Variants in HECW2 observed in about 807,000 individuals in gnomAD.
The protein encoded by HECW2 is E3 ubiquitin-protein ligase HECW2.
Under a neutral mutation model 175.2 loss-of-function variants are expected in HECW2, and 61 were observed. The ratio of observed to expected loss-of-function variants is 0.35; its 90% CI spans 0.28 to 0.43. The LOEUF (loss-of-function observed/expected upper bound fraction) is 0.43. Ranked by LOEUF, HECW2 falls within the 20% of genes least tolerant of loss-of-function variation. The pLI is 1.00. For missense variants in HECW2, 1,524 were observed against 2,000.5 expected (o/e 0.76, Z 4.54); for synonymous variants, 671 against 731.0 (o/e 0.92, Z 1.32).
chr2:196,442,834 A>T lies in HECW2; in HGVS notation c.-35-9376T>A, dbSNP rs56923617. Among the ~76,000 whole-genome samples the T allele has an allele frequency of 4.0e-3, 604 of 152,276 alleles. 6 individuals are homozygous for T. The highest frequency in any genetic ancestry group is 0.014 in the African/African-American group (567 of 41,552). On this transcript the variant is annotated intron_variant, in intron 1 of 28. Coordinates refer to ENST00000644978, the MANE Select transcript of HECW2 (RefSeq NM_001348768.2). ...TTTTCTACAAATAAGATATATAATA[A>T]TGTTATTTAAAATAGACCTCTGATA...
chr2:196,564,033 T>C (rs566906288), intron 1 of HECW2, among the ~76,000 whole-genome samples: 3 of 152,294 alleles, frequency 2.0e-5, no homozygotes, highest in South Asian at 4.1e-4. Context: ...AAAGCTACAG[T>C]AGTTAACACT....
chr2:196,553,706 G>A (rs1041367601), intron 1 of HECW2, among the ~76,000 whole-genome samples: 1 of 152,204 alleles, frequency 6.6e-6, no homozygotes, highest in Non-Finnish European at 1.5e-5. Context: ...GTCTGTAGAA[G>A]TCTTCAGGCC....
intron 1 of HECW2, among the ~76,000 whole-genome samples, chr2:196,499,725 C>A (rs1393442927): frequency 6.6e-6 from 1 of 152,100 alleles, no homozygotes; most frequent in Non-Finnish European, 1.5e-5. Flanking sequence ...AAAACGCATG[C>A]ATTTTTTAAA....
chr2:196,285,028 G>A (rs922606392), intron 14 of HECW2, among the ~76,000 whole-genome samples: 1 of 152,124 alleles, frequency 6.6e-6, no homozygotes, highest in African/African-American at 2.4e-5. Flanking sequence ...ACACAAACTC[G>A]AATCTCATTT....
intron 1 of HECW2, among the ~76,000 whole-genome samples, chr2:196,477,306 TTCAATTCA>T (rs2125365392): frequency 6.6e-6 from 1 of 152,356 alleles, no homozygotes; most frequent in South Asian, 2.1e-4. Flanking sequence ...ATTTGGTCTA[TTCAATTCA>T]TCAAATTGCT....
At chr2:196,453,371 G>C (rs544351479) in intron 1 of HECW2, among the ~76,000 whole-genome samples, 1 of 152,290 alleles carries the variant, frequency 6.6e-6, no homozygotes, top group African/African-American at 2.4e-5. Flanking sequence ...CTAAAAGTTT[G>C]AGTAGAAAAT....
intron 2 of HECW2, among the ~76,000 whole-genome samples, chr2:196,376,912 A>G (rs1021242696): frequency 1.3e-5 from 2 of 152,172 alleles, no homozygotes; most frequent in Non-Finnish European, 2.9e-5. Context: ...AGCCTAGGCA[A>G]CAAGAGCAAA....
At chr2:196,201,759 C>A (rs1027412494) in intron 28 of HECW2, among the ~76,000 whole-genome samples, 1 of 151,782 alleles carries the variant, frequency 6.6e-6, no homozygotes, top group Non-Finnish European at 1.5e-5. Context: ...TAAGGCCTTG[C>A]AAAGTAGTTC....
intron 3 of HECW2, among the ~76,000 whole-genome samples, chr2:196,343,324 G>A (rs1331854727): frequency 6.6e-6 from 1 of 152,066 alleles, no homozygotes; most frequent in African/African-American, 2.4e-5. Context: ...ATATTGTTTA[G>A]GGAATAATAA....
chr2:196,448,994 C>T (rs752622633), intron 1 of HECW2, among the ~76,000 whole-genome samples: 5 of 152,168 alleles, frequency 3.3e-5, no homozygotes, highest in Non-Finnish European at 5.9e-5. Flanking sequence ...AACACTTGTA[C>T]TCAGGAATCC....
chr2:196,418,660 T>C (rs564878958), intron 2 of HECW2, among the ~76,000 whole-genome samples: 161 of 152,278 alleles, frequency 1.1e-3, no homozygotes, highest in Non-Finnish European at 1.8e-3. Flanking sequence ...AATGAGAGTA[T>C]AAAGCAGTAG....
chr2:196,556,623 A>G (rs1443281896), intron 1 of HECW2, among the ~76,000 whole-genome samples: 2 of 152,222 alleles, frequency 1.3e-5, no homozygotes, highest in African/African-American at 2.4e-5. Flanking sequence ...TGTGTAAGGT[A>G]TATTACTTTT....
rs550642710 is a variant in HECW2 at position 196,452,992 on chromosome 2, C to A, written c.-35-19534G>T. On this transcript the variant is annotated intron_variant, in intron 1 of 28. Transcript: ENST00000644978. ...TCCATGATGAAATTGTGGCCTCTGA[C>A]AAAATTTTTTTTAAAGCTTATTTTC... Among the ~76,000 whole-genome samples, 4 of 152,170 alleles carry A rather than the reference C, an allele frequency of 2.6e-5. No homozygotes were observed. In the South Asian group the frequency reaches 8.3e-4, roughly 32 times the overall value.
intron 21 of HECW2, among the ~76,000 whole-genome samples, chr2:196,231,193 C>G (rs773366621): frequency 3.4e-4 from 50 of 146,890 alleles, no homozygotes; most frequent in Non-Finnish European, 7.5e-4. Flanking sequence ...CTTTTAGAAA[C>G]AGAGCATGCC....
rs543683425 is a variant in HECW2, at chr2:196,392,138, A to G, written c.292+40994T>C. ...ACATATGCTATGTAAATCTATGCAA[A>G]CTTTTTTCCTTTTTAGATTCAATCC... is the stretch of plus-strand genomic sequence containing the variant. On this transcript the variant is annotated intron_variant, in intron 2 of 28. Transcript: ENST00000644978. 2.6e-5 allele frequency among the ~76,000 whole-genome samples: 4 copies of G among 152,306 alleles called. No individual in the cohort carries two copies. In the East Asian group the frequency reaches 7.7e-4, roughly 29 times the overall value.
In HECW2 at chr2:196,411,681, AT is replaced by A. The variant is rs748169000; in HGVS notation, c.292+21450del. 1.3e-5 allele frequency among the ~76,000 whole-genome samples: 2 copies of A among 152,260 alleles called. 1 individual carries two copies. The highest frequency in any genetic ancestry group is 3.8e-4 in the East Asian group (2 of 5,206). ...AAGGCCTTAAAGCTCAAGAGGAGGC[AT>A]TTTTAATTAGAAACTTGGAGTGACT... On this transcript the variant is annotated intron_variant, in intron 2 of 28. Transcript: ENST00000644978.
At chr2:196,534,743 TTCCATTGTCAGTC>T (rs1222688267) in intron 1 of HECW2, among the ~76,000 whole-genome samples, 1 of 152,174 alleles carries the variant, frequency 6.6e-6, no homozygotes, top group African/African-American at 2.4e-5. Context: ...CAGAAAGCAC[TTCCATTGTCAGTC>T]TCTACTGTGA....
At chr2:196,244,060 G>C (rs57178576) in intron 19 of HECW2, among the ~76,000 whole-genome samples, 3,556 of 152,300 alleles carry the variant, frequency 0.023, 116 homozygotes, top group African/African-American at 0.078. Context: ...AAGCTGGGAA[G>C]TCTTGTTCAT....
At position 196,253,922 on chromosome 2, in the gene HECW2, G is replaced by A. The variant is rs760783036; in HGVS notation, c.3527C>T (p.Pro1176Leu). ...CTGTGAGCAGCAGGTGGACTCACCTGGCGAGTTCTGAGGAGATGACACGGG... is the reference window on the plus strand; with the variant it reads ...CTGTGAGCAGCAGGTGGACTCACCTAGCGAGTTCTGAGGAGATGACACGGG... Reference protein sequence around the residue: ...GSPVSSPQNSPGTQRANARAP... With the variant: ...GSPVSSPQNSLGTQRANARAP... Residue 1176 changes from proline to leucine, a missense_variant and splice_region_variant, in exon 19 of 29, where the codon CCA becomes CTA. Around this residue, in one of 11 missense-constraint regions of HECW2, gnomAD observed 291 missense variants for 412.2 expected, o/e 0.71. Coordinates refer to ENST00000644978, the MANE Select transcript of HECW2 (RefSeq NM_001348768.2). 6.2e-7 allele frequency: 1 copy of A among 1,613,814 alleles called. No homozygotes were observed. Among genetic ancestry groups the A allele is most frequent in the Non-Finnish European group, 8.5e-7 (1 of 1,179,760 alleles).
Sources: allele counts gnomAD v4.1 joint callset (sites outside exome capture counted in the v4.1 genomes callset), GRCh38; gene constraint gnomAD v4.1.1; regional missense constraint gnomAD v4.1.1; transcripts MANE v1.5; gene names NCBI Gene and HGNC (gene_info 2026-07-23, HGNC 2026-07-21).